The following AATF variants were observed in gnomAD, a reference collection of about 807,000 sequenced individuals.
AATF encodes protein AATF.
A neutral mutation model predicts 63.7 loss-of-function variants in AATF; 48 were observed. That is an observed-to-expected ratio of 0.75 (90% CI 0.60 to 0.96). The LOEUF is 0.96. AATF is among the 40% of genes least tolerant of loss of function. The probability of loss-of-function intolerance (pLI) is 0.00; values close to 1 mark genes in which losing one functional copy is unlikely to be tolerated. For synonymous variants in AATF, 258 were observed against 247.7 expected (o/e 1.04, Z -0.39); for missense variants, 639 against 685.7 (o/e 0.93, Z 0.76).
At chr17:36,970,317 G>C (rs17651501) in intron 4 of AATF, among the ~76,000 whole-genome samples, 17,658 of 152,118 alleles carry the variant, frequency 0.12, 1,296 homozygotes, top group Non-Finnish European at 0.16. Context: ...AATTGTATAG[G>C]TAGGTTACAG....
chr17:36,970,613 T>G (rs902469151), intron 4 of AATF, among the ~76,000 whole-genome samples: 1 of 151,286 alleles, frequency 6.6e-6, no homozygotes, highest in African/African-American at 2.4e-5. Context: ...CGATCATGGC[T>G]CACTGCAGCA....
chr17:37,038,336 A>G (rs188356115), intron 11 of AATF, among the ~76,000 whole-genome samples: 65 of 152,296 alleles, frequency 4.3e-4, no homozygotes, highest in Non-Finnish European at 8.2e-4. Flanking sequence ...ATGACAAGAC[A>G]AACAAATACT....
intron 4 of AATF, among the ~76,000 whole-genome samples, chr17:36,986,332 A>G (rs1391881668): frequency 6.6e-6 from 1 of 152,216 alleles, no homozygotes; most frequent in Non-Finnish European, 1.5e-5. Flanking sequence ...CAAGCTTAAT[A>G]CATTTAAGAG....
At chr17:37,027,399 C>T (rs899651471) in intron 10 of AATF, among the ~76,000 whole-genome samples, 9 of 151,672 alleles carry the variant, frequency 5.9e-5, no homozygotes, top group Admixed American at 4.6e-4. Context: ...GCAGTGGCAC[C>T]GAGACTAGAT....
At chr17:37,042,578 CT>C (rs746570954) in intron 11 of AATF, among the ~76,000 whole-genome samples, 2,514 of 131,734 alleles carry the variant, frequency 0.019, 77 homozygotes, top group African/African-American at 0.061. Flanking sequence ...CCACACCCAG[CT>C]TTTTTTTTTT....
rs2142310591 is a variant in AATF at position 37,039,352 on chromosome 17, C to T, written c.1619+7667C>T. 1.3e-5 allele frequency among the ~76,000 whole-genome samples: 2 copies of T among 152,314 alleles called. 1 individual carries two copies. The highest frequency in any genetic ancestry group is 4.1e-4 in the South Asian group (2 of 4,824). On this transcript the variant is annotated intron_variant, in intron 11 of 11. Coordinates refer to ENST00000619387, the MANE Select transcript of AATF (RefSeq NM_012138.4). ...GAGACAAGCCCAGGCAAATATGCAA[C>T]ATTGATCTAATCAGCAAGAACAAGA...
intron 4 of AATF, among the ~76,000 whole-genome samples, chr17:36,971,750 C>T (rs73985321): frequency 0.044 from 6,704 of 152,190 alleles, 472 homozygotes; most frequent in African/African-American, 0.15. Context: ...CATGCAAAAA[C>T]GTGGATGAAC....
intron 11 of AATF, among the ~76,000 whole-genome samples, chr17:37,036,465 A>G (rs895767045): frequency 6.6e-6 from 1 of 152,154 alleles, no homozygotes; most frequent in Non-Finnish European, 1.5e-5. Context: ...AAGAAATGCT[A>G]TCTTTGAAAG....
chr17:36,995,357 A>G (rs902703747), intron 8 of AATF, among the ~76,000 whole-genome samples: 4 of 152,190 alleles, frequency 2.6e-5, no homozygotes, highest in Non-Finnish European at 5.9e-5. Flanking sequence ...TGAACTATTA[A>G]AAGTCGATAA....
chr17:37,004,968 C>T (rs142209276), intron 8 of AATF, among the ~76,000 whole-genome samples: 7 of 152,254 alleles, frequency 4.6e-5, no homozygotes, highest in South Asian at 2.1e-4. Context: ...CCAACAATTC[C>T]GAGATTAAAA....
At chr17:37,047,237 C>T (rs954110282) in intron 11 of AATF, among the ~76,000 whole-genome samples, 4 of 152,162 alleles carry the variant, frequency 2.6e-5, no homozygotes, top group African/African-American at 7.2e-5. Flanking sequence ...AATATTAATG[C>T]GTGGAAGGAG....
intron 11 of AATF, among the ~76,000 whole-genome samples, chr17:37,041,143 G>A (rs1372983125): frequency 6.6e-6 from 1 of 152,104 alleles, no homozygotes; most frequent in African/African-American, 2.4e-5. Flanking sequence ...AATTTTTTGT[G>A]TATGTATTTT....
chr17:37,018,944 T>A lies in AATF; in HGVS notation c.1399-61T>A, dbSNP rs148034108. On this transcript the variant is annotated intron_variant, in intron 8 of 11. Coordinates refer to ENST00000619387, the MANE Select transcript of AATF (RefSeq NM_012138.4). ...GCCATTCAGAATTCCTTCTCTGCCCTTTTAAAGTCAGTTGTACTGGAAGAT... is the reference window on the plus strand; with the variant it reads ...GCCATTCAGAATTCCTTCTCTGCCCATTTAAAGTCAGTTGTACTGGAAGAT... 7.7e-6 allele frequency: 11 copies of A among 1,429,148 alleles called. No homozygotes were observed. In the East Asian group the frequency reaches 2.5e-4, roughly 32 times the overall value. 88.5% of individuals were successfully genotyped at this position (1,429,148 alleles called of 1,614,324 possible).
intron 11 of AATF, among the ~76,000 whole-genome samples, chr17:37,045,089 T>G (rs551391433): frequency 8.5e-5 from 13 of 152,172 alleles, no homozygotes; most frequent in Non-Finnish European, 1.8e-4. Flanking sequence ...GAAAGGATAT[T>G]TAGATCGAGG....
chr17:36,976,308 T>C (rs2071079697), intron 4 of AATF, among the ~76,000 whole-genome samples: 2 of 152,250 alleles, frequency 1.3e-5, no homozygotes, highest in African/African-American at 4.8e-5. Flanking sequence ...GCAATAATAG[T>C]ATCTACCTCA....
At chr17:37,055,446 T>C (rs557747071) in intron 11 of AATF, 19 of 152,324 alleles carry the variant, frequency 1.2e-4, no homozygotes, top group African/African-American at 4.3e-4. Flanking sequence ...CCAGTAGTTT[T>C]TTGTGTTGAA....
chr17:37,037,572 C>T (rs943329240), intron 11 of AATF, among the ~76,000 whole-genome samples: 2 of 152,174 alleles, frequency 1.3e-5, no homozygotes, highest in African/African-American at 4.8e-5. Flanking sequence ...TCCCACCTGC[C>T]CCATGCCATT....
chr17:37,021,822 T>A (rs1266179), intron 10 of AATF, among the ~76,000 whole-genome samples: 44,880 of 80,240 alleles, frequency 0.56, 13,946 homozygotes, highest in East Asian at 0.72. Flanking sequence ...AAAAAAAAAA[T>A]AATAATAATA....
intron 11 of AATF, among the ~76,000 whole-genome samples, chr17:37,049,521 C>T (rs575289174): frequency 1.1e-4 from 17 of 150,560 alleles, no homozygotes; most frequent in South Asian, 4.2e-4. Context: ...AGGAGAATGG[C>T]GTGAACCTGG....
Sources: allele counts gnomAD v4.1 joint callset (sites outside exome capture counted in the v4.1 genomes callset), GRCh38; gene constraint gnomAD v4.1.1; transcripts MANE v1.5; gene names NCBI Gene and HGNC (gene_info 2026-07-23, HGNC 2026-07-21).